The following HDHD5 variants were observed in gnomAD, a reference collection of about 807,000 sequenced individuals.
The protein encoded by HDHD5 is haloacid dehalogenase-like hydrolase domain-containing 5.
In HDHD5, 34 loss-of-function variants were observed where a neutral mutation model predicts 35.5. The ratio of observed to expected loss-of-function variants is 0.96; its 90% CI spans 0.73 to 1.28. The LOEUF (loss-of-function observed/expected upper bound fraction) is 1.28, where lower values mean the gene tolerates loss of function less well. Among genes scored for constraint, HDHD5 ranks in the 50% most tolerant of loss-of-function variants. HDHD5 has a pLI of 0.00. For synonymous variants in HDHD5, 248 were observed against 240.6 expected, an observed-to-expected ratio of 1.03 and a Z score of -0.29; for missense variants, 589 against 560.2, an observed-to-expected ratio of 1.05 and a Z score of -0.52.
In HDHD5 at chr22:17,138,027, CA is replaced by C; in HGVS notation, c.1265del (p.Leu422TrpfsTer12). On this transcript the variant is annotated frameshift_variant, in exon 8 of 8. Coordinates refer to ENST00000336737, the MANE Select transcript of HDHD5 (RefSeq NM_033070.3). LOFTEE classifies it high-confidence loss of function. ...QLVFRKEGWALE is the reference protein window; with the variant it reads ...QLVFRKEGWAXE ...CACCTCCACCGCACTGCCCTCACTC[CA>C]AAGCCCAGCCCTCCTTGCGGAAGAC... 1 of 1,611,258 alleles carries C rather than the reference CA, an allele frequency of 6.2e-7. No individual in the cohort carries two copies. The highest frequency in any genetic ancestry group is 2.2e-5 in the East Asian group (1 of 44,830).
At chr22:17,148,347 C>T (rs2061688269) in intron 3 of HDHD5, 101 bp downstream of exon 3, 1 of 944,420 alleles carries the variant, frequency 1.1e-6, no homozygotes, top group Non-Finnish European at 1.7e-6. Context: ...CCTGTGTACC[C>T]CAGCACCCAG....
chr22:17,152,671 G>A (rs1451124333), intron 1 of HDHD5, among the ~76,000 whole-genome samples: 2 of 152,008 alleles, frequency 1.3e-5, no homozygotes, highest in South Asian at 2.1e-4. Flanking sequence ...CAGAGAACCA[G>A]GAAGAACAAT....
chr22:17,149,358 C>G (rs567859522), intron 2 of HDHD5, among the ~76,000 whole-genome samples, 184 bp downstream of exon 2: 1 of 152,166 alleles, frequency 6.6e-6, no homozygotes, highest in Non-Finnish European at 1.5e-5. Context: ...AGAAAAGAAA[C>G]AGATACAAGG....
chr22:17,155,495 G>T (rs5994183), intron 1 of HDHD5, among the ~76,000 whole-genome samples: 133,613 of 152,062 alleles, frequency 0.88, 58,856 homozygotes, highest in African/African-American at 0.93. Flanking sequence ...TCCGCCCGTC[G>T]CGGCCTCCCA....
At chr22:17,154,607 C>A (rs972886983) in intron 1 of HDHD5, among the ~76,000 whole-genome samples, 1 of 136,972 alleles carries the variant, frequency 7.3e-6, no homozygotes, top group African/African-American at 2.8e-5. Context: ...TTCAGAATGT[C>A]CTTATTTTCT....
chr22:17,144,492 C>T (rs558612820), intron 4 of HDHD5, among the ~76,000 whole-genome samples: 1 of 151,168 alleles, frequency 6.6e-6, no homozygotes, highest in Non-Finnish European at 1.5e-5. Flanking sequence ...CAGCTCACTG[C>T]AACCTCTGCC....
chr22:17,159,519 G>GGCA (rs55740224), upstream of HDHD5: 5 of 467,690 alleles, frequency 1.1e-5, no homozygotes, highest in East Asian at 1.4e-4. Flanking sequence ...GGGCGGCGGC[G>GGCA]TCCGTACTAT....
chr22:17,144,263 T>C (rs571585489), intron 4 of HDHD5, among the ~76,000 whole-genome samples: 1 of 151,626 alleles, frequency 6.6e-6, no homozygotes, highest in South Asian at 2.1e-4. Context: ...CTTTTTCCTT[T>C]TTTTTTTTTG....
At chr22:17,139,063 G>A (rs1487921923) in intron 6 of HDHD5, among the ~76,000 whole-genome samples, 2 of 152,190 alleles carry the variant, frequency 1.3e-5, no homozygotes, top group African/African-American at 2.4e-5. Context: ...GCAGACTACG[G>A]TTGCGCTTCT....
chr22:17,149,712 C>T lies in HDHD5; in HGVS notation c.160G>A (p.Asp54Asn), dbSNP rs766093069. The T allele has an allele frequency of 6.2e-7, 1 of 1,614,098 alleles. No homozygotes were observed. Among genetic ancestry groups the T allele is most frequent in the South Asian group, 1.1e-5 (1 of 91,070 alleles). Reference protein sequence around the residue: ...PPTFGFLLDIDGVLVRGHRVI... With the variant: ...PPTFGFLLDINGVLVRGHRVI... The stretch of plus-strand genomic sequence containing the variant: ...CTGTGGCCCCGCACAAGCACTCCAT[C>T]GATGTCCAACAGGAACCCAAAGGTG... The change falls in exon 2 of 8, where the codon GAT (aspartate) becomes AAT (asparagine). Residue 54 changes from aspartate (D) to asparagine (N), a missense_variant. By Grantham distance (23) the Asp-to-Asn change is conservative (BLOSUM62 1). Coordinates refer to ENST00000336737, the MANE Select transcript of HDHD5 (RefSeq NM_033070.3).
intron 5 of HDHD5, chr22:17,142,548 C>G (rs2061611224): frequency 6.6e-6 from 1 of 152,368 alleles, no homozygotes; most frequent in Non-Finnish European, 1.5e-5. Context: ...CCTATAAACA[C>G]ACATCAGCCT....
chr22:17,141,126 A>AG lies in HDHD5; in HGVS notation c.678dup (p.Tyr227LeufsTer18). ...CTGGCTAGGACGGGGAGGTGGGGGT[A>AG]GGGGGGTGTTGCCAGGCCAGCCCCA... On this transcript the variant is annotated frameshift_variant, in exon 6 of 8. Transcript: ENST00000336737. LOFTEE classifies it high-confidence loss of function. 6.3e-7 allele frequency: 1 copy of AG among 1,596,340 alleles called. No individual in the cohort carries two copies. Among genetic ancestry groups the AG allele is most frequent in the Non-Finnish European group, 8.5e-7 (1 of 1,173,020 alleles).
intron 1 of HDHD5, 31 bp from the exon 2 acceptor site, chr22:17,149,776 G>T: frequency 6.3e-7 from 1 of 1,587,686 alleles, no homozygotes; most frequent in South Asian, 1.1e-5. Flanking sequence ...TTACCAGTAC[G>T]TGAGTAACAA....
intron 1 of HDHD5, among the ~76,000 whole-genome samples, chr22:17,154,818 A>G (rs2061768078): frequency 6.7e-6 from 1 of 150,198 alleles, no homozygotes; most frequent in Non-Finnish European, 1.5e-5. Context: ...TTTTGTAGAG[A>G]CAGGGTCTCC....
At chr22:17,154,290 C>G (rs1393617748) in intron 1 of HDHD5, among the ~76,000 whole-genome samples, 1 of 151,696 alleles carries the variant, frequency 6.6e-6, no homozygotes, top group African/African-American at 2.4e-5. Flanking sequence ...CGAGACCAGC[C>G]TGACCAACAC....
At chr22:17,161,792 C>T (rs929199879), upstream of HDHD5, among the ~76,000 whole-genome samples, 3 of 150,758 alleles carry the variant, frequency 2.0e-5, no homozygotes, top group African/African-American at 4.9e-5. Context: ...GTGGGAGGAT[C>T]GCTTGAGCTC....
intron 1 of HDHD5, among the ~76,000 whole-genome samples, chr22:17,151,575 C>A (rs1454142042): frequency 6.6e-6 from 1 of 151,906 alleles, no homozygotes; most frequent in South Asian, 2.1e-4. Context: ...ACTAAAAATA[C>A]AAAAATTAGC....
Position 17,139,772 on chromosome 22 carries a change from C to T in HDHD5, c.747-1034G>A, listed in dbSNP as rs548626139. On this transcript the variant is annotated intron_variant, in intron 6 of 7. Transcript: ENST00000336737. ...ATTTTTAGTAGAGACGGGGTTTTGCCATGTTGGCCAGGCTGATCTTGAACT... is the reference window on the plus strand; with the variant it reads ...ATTTTTAGTAGAGACGGGGTTTTGCTATGTTGGCCAGGCTGATCTTGAACT... Among the ~76,000 whole-genome samples, 196 of 152,308 alleles carry T rather than the reference C, an allele frequency of 1.3e-3. 2 individuals carry two copies. The highest frequency in any genetic ancestry group is 3.8e-3 in the African/African-American group (159 of 41,580).
chr22:17,140,811 T>G (rs1165538897), intron 6 of HDHD5, among the ~76,000 whole-genome samples: 1 of 151,874 alleles, frequency 6.6e-6, no homozygotes, highest in African/African-American at 2.4e-5. Flanking sequence ...GGGGCAGGGG[T>G]CACGTGTGAA....
Sources: gnomAD v4.1 joint callset for allele counts (sites outside exome capture counted in the v4.1 genomes callset) on GRCh38, gnomAD v4.1.1 for gene constraint, MANE v1.5 for transcripts, NCBI Gene and HGNC (gene_info 2026-07-23, HGNC 2026-07-21) for gene names.